The following GLRA2 variants were observed in gnomAD, a reference collection of about 807,000 sequenced individuals.
GLRA2 encodes the protein glycine receptor alpha 2, also known as glycine receptor subunit alpha-2.
A neutral mutation model predicts 31.6 loss-of-function variants in GLRA2; 11 were observed. The observed-to-expected ratio is 0.35, with a 90% CI of 0.22 to 0.58. The LOEUF (loss-of-function observed/expected upper bound fraction) is 0.58, where lower values mean the gene tolerates loss of function less well. GLRA2 is among the 20% of genes least tolerant of loss of function. The probability of loss-of-function intolerance (pLI) is 0.84; values close to 1 mark genes in which losing one functional copy is unlikely to be tolerated. For missense variants in GLRA2, 212 were observed against 351.8 expected, an observed-to-expected ratio of 0.60 and a Z score of 3.18; for synonymous variants, 132 against 134.0, an observed-to-expected ratio of 0.99 and a Z score of 0.10.
At chrX:14,543,288 T>C (rs1393783073) in intron 2 of GLRA2, among the ~76,000 whole-genome samples, 2 of 104,599 alleles carry the variant, frequency 1.9e-5, no homozygotes, top group Non-Finnish European at 3.9e-5. Context: ...GTCTCTCTAC[T>C]TCACTTCTAA....
chrX:14,552,099 TACAGAA>T (rs949272598), intron 2 of GLRA2, among the ~76,000 whole-genome samples: 33 of 112,233 alleles, frequency 2.9e-4, no homozygotes, highest in African/African-American at 8.4e-4. Flanking sequence ...TTTGAGAACT[TACAGAA>T]GCAGTGACAG....
intron 7 of GLRA2, among the ~76,000 whole-genome samples, chrX:14,611,387 A>G (rs1601763324): frequency 8.8e-6 from 1 of 113,160 alleles, no homozygotes; most frequent in East Asian, 2.8e-4. Flanking sequence ...CAACCATTAA[A>G]TAACTGTTGT....
Position 14,730,573 on chromosome X carries a change from G to C in GLRA2, c.*88G>C, listed in dbSNP as rs761372741. 6 of 158,877 alleles carry C rather than the reference G, an allele frequency of 3.8e-5. No individual in the cohort carries two copies. Among genetic ancestry groups the C allele is most frequent in the Non-Finnish European group, 1.2e-5 (1 of 83,971 alleles). 13.1% of individuals were successfully genotyped at this position (158,877 alleles called of 1,213,427 possible). A position where few individuals can be genotyped will look rare whatever the true frequency, so the allele number is the denominator to read the frequency against. ...ATTGTCTTTATATCACTTTGACAGA[G>C]GAGAAGATTGAGGGAGGGGGGAGGG... On this transcript the variant is annotated 3_prime_UTR_variant, in exon 9 of 9. Coordinates refer to ENST00000218075, the MANE Select transcript of GLRA2 (RefSeq NM_002063.4).
At chrX:14,457,942 T>C in the GLRA2 span, among the ~76,000 whole-genome samples, 2 of 110,679 alleles carry the variant, frequency 1.8e-5, no homozygotes, top group East Asian at 2.8e-4. Flanking sequence ...GTTACACATA[T>C]ATACATGTAC....
At chrX:14,722,455 AGTTACTTAGT>A (rs2147258925) in intron 8 of GLRA2, among the ~76,000 whole-genome samples, 1 of 111,354 alleles carries the variant, frequency 9.0e-6, no homozygotes, top group Admixed American at 9.6e-5. Context: ...TAGACTTAGA[AGTTACTTAGT>A]GTCACTTCCA....
intron 7 of GLRA2, among the ~76,000 whole-genome samples, chrX:14,638,239 G>A (rs775048608): frequency 1.8e-5 from 2 of 111,283 alleles, no homozygotes; most frequent in South Asian, 7.6e-4. Context: ...GGTGGTGGGA[G>A]GATGGAGTAG....
At chrX:14,620,174 TAATAA>T (rs768344015) in intron 7 of GLRA2, among the ~76,000 whole-genome samples, 14 of 110,310 alleles carry the variant, frequency 1.3e-4, no homozygotes, top group Admixed American at 7.8e-4. Context: ...AAAGATATAA[TAATAA>T]AATAAAATAG....
chrX:14,691,324 T>TGC (rs1556085781), intron 8 of GLRA2, among the ~76,000 whole-genome samples: 98 of 64,338 alleles, frequency 1.5e-3, no homozygotes, highest in South Asian at 2.9e-3. Flanking sequence ...TGTGTGTGTG[T>TGC]GCGCGCGTGC....
At chrX:14,506,122 G>A in the GLRA2 span, among the ~76,000 whole-genome samples, 3 of 111,657 alleles carry the variant, frequency 2.7e-5, no homozygotes, top group Admixed American at 9.5e-5. Context: ...ACAATGCATA[G>A]AAAACATAAT....
intron 7 of GLRA2, among the ~76,000 whole-genome samples, chrX:14,624,627 G>C (rs752917205): frequency 6.2e-5 from 7 of 112,165 alleles, no homozygotes; most frequent in African/African-American, 2.3e-4. Flanking sequence ...TCATTCAGAA[G>C]CAGGTTGCTC....
intron 7 of GLRA2, among the ~76,000 whole-genome samples, chrX:14,668,559 A>C (rs1349746609): frequency 1.8e-5 from 2 of 112,542 alleles, no homozygotes; most frequent in African/African-American, 6.5e-5. Flanking sequence ...CAAAAGAAAG[A>C]GGTTTAATTG....
intron 7 of GLRA2, among the ~76,000 whole-genome samples, chrX:14,681,103 G>A (rs1192875586): frequency 1.8e-5 from 2 of 112,154 alleles, no homozygotes; most frequent in African/African-American, 3.2e-5. Flanking sequence ...GGTGCACAAC[G>A]TGCGGGTTTG....
Position 14,581,341 on chromosome X carries a change from C to T in GLRA2, c.429C>T (p.His143=), listed in dbSNP as rs143889414. The change falls in exon 4 of 9, where the codon CAC becomes CAT. Residue 143 remains histidine (H), a synonymous_variant. Transcript: ENST00000218075. ...CCAATGAGAAGGGTGCCAACTTCCA[C>T]GATGTCACCACTGACAACAAATTGC... is the stretch of plus-strand genomic sequence containing the variant. ...FFANEKGANF[H]DVTTDNKLLR... is the part of the protein sequence containing the mutation. 7.9e-5 allele frequency: 95 copies of T among 1,203,612 alleles called. No individual in the cohort carries two copies. The African/African-American group carries it at 9.5e-4, about 12-fold the overall frequency.
At chrX:14,543,802 A>C (rs1478088162) in intron 2 of GLRA2, among the ~76,000 whole-genome samples, 1 of 112,120 alleles carries the variant, frequency 8.9e-6, no homozygotes, top group Non-Finnish European at 1.9e-5. Context: ...TATGTAGTAA[A>C]AATAAATACA....
At chrX:14,709,331 G>C (rs1271808136) in intron 8 of GLRA2, among the ~76,000 whole-genome samples, 2 of 111,804 alleles carry the variant, frequency 1.8e-5, no homozygotes, top group African/African-American at 6.5e-5. Context: ...AAACTCAGCT[G>C]GTCAACAATT....
chrX:14,709,244 A>G (rs1005317838), intron 8 of GLRA2, among the ~76,000 whole-genome samples: 1 of 111,006 alleles, frequency 9.0e-6, no homozygotes, highest in Non-Finnish European at 1.9e-5. Flanking sequence ...TTTAAAAAGG[A>G]GTAGGGAAGG....
chrX:14,485,428 T>C, the GLRA2 span, among the ~76,000 whole-genome samples: 1 of 112,093 alleles, frequency 8.9e-6, no homozygotes, highest in South Asian at 3.7e-4. Flanking sequence ...ATGAAATCCA[T>C]CCTTACAGTT....
chrX:14,603,621 A>G (rs1238886044), intron 4 of GLRA2, among the ~76,000 whole-genome samples: 1 of 111,835 alleles, frequency 8.9e-6, no homozygotes, highest in Non-Finnish European at 1.9e-5. Context: ...CCTTCTAGAC[A>G]CTGGCTTAGG....
chrX:14,528,602 C>T (rs756426049), upstream of GLRA2, among the ~76,000 whole-genome samples: 6 of 111,778 alleles, frequency 5.4e-5, no homozygotes, highest in Admixed American at 1.9e-4. Context: ...CAGGGTTACT[C>T]GTCAGACTTT....
Sources: allele counts gnomAD v4.1 joint callset (sites outside exome capture counted in the v4.1 genomes callset), GRCh38; gene constraint gnomAD v4.1.1; transcripts MANE v1.5; gene names NCBI Gene and HGNC (gene_info 2026-07-23, HGNC 2026-07-21).